RBFOX3: variants seen among roughly 807,000 people sequenced by gnomAD.
RBFOX3 encodes the protein RNA binding fox-1 homolog 3, also known as RNA binding protein fox-1 homolog 3.
A neutral mutation model predicts 48.7 loss-of-function variants in RBFOX3; 17 were observed. The ratio of observed to expected loss-of-function variants is 0.35; its 90% CI spans 0.24 to 0.52. The LOEUF (loss-of-function observed/expected upper bound fraction) is 0.52, where lower values mean the gene tolerates loss of function less well. RBFOX3 is among the 20% of genes least tolerant of loss of function. RBFOX3 has a pLI of 0.94. For synonymous variants in RBFOX3, 212 were observed against 209.5 expected (o/e 1.01, Z -0.10); for missense variants, 382 against 497.5 (o/e 0.77, Z 2.21).
chr17:79,217,282 A>C (rs2059180030), intron 4 of RBFOX3, among the ~76,000 whole-genome samples: 1 of 152,206 alleles, frequency 6.6e-6, no homozygotes, highest in Admixed American at 6.5e-5. Flanking sequence ...GCTGCCCTTG[A>C]AAAGCCATGC....
chr17:79,407,347 A>G (rs2063682878), intron 2 of RBFOX3, among the ~76,000 whole-genome samples: 1 of 152,226 alleles, frequency 6.6e-6, no homozygotes, highest in Admixed American at 6.5e-5. Context: ...TAGAAATCTC[A>G]CAAATGAACA....
chr17:79,446,419 C>T (rs1555738363), intron 2 of RBFOX3, among the ~76,000 whole-genome samples: 2 of 152,200 alleles, frequency 1.3e-5, no homozygotes, highest in African/African-American at 4.8e-5. Context: ...CATAAACTCC[C>T]TCCACCCCTA....
intron 3 of RBFOX3, among the ~76,000 whole-genome samples, chr17:79,247,670 G>A (rs1367649136): frequency 6.6e-6 from 1 of 151,796 alleles, no homozygotes; most frequent in African/African-American, 2.4e-5. Context: ...TTAGAGAAAA[G>A]CAATGCAGAG....
intron 2 of RBFOX3, among the ~76,000 whole-genome samples, chr17:79,435,759 G>A (rs1267375488): frequency 6.6e-6 from 1 of 152,164 alleles, no homozygotes; most frequent in African/African-American, 2.4e-5. Context: ...TCTCCATGCA[G>A]GTGGTTCTTT....
chr17:79,124,019 C>T (rs2036489306), intron 4 of RBFOX3, among the ~76,000 whole-genome samples: 1 of 152,232 alleles, frequency 6.6e-6, no homozygotes, highest in South Asian at 2.1e-4. Flanking sequence ...CACTCTACTG[C>T]ACACACCCTC....
intron 4 of RBFOX3, among the ~76,000 whole-genome samples, chr17:79,144,571 C>G (rs2042630803): frequency 6.6e-6 from 1 of 152,168 alleles, no homozygotes; most frequent in African/African-American, 2.4e-5. Context: ...GTGGAGGGGG[C>G]AGGGCTCATG....
chr17:79,120,958 C>G (rs987130415), intron 4 of RBFOX3, among the ~76,000 whole-genome samples: 1 of 152,070 alleles, frequency 6.6e-6, no homozygotes, highest in Non-Finnish European at 1.5e-5. Context: ...CATTCAGAAT[C>G]CATGACCACC....
At chr17:79,153,021 C>T (rs1230519842) in intron 4 of RBFOX3, among the ~76,000 whole-genome samples, 1 of 152,230 alleles carries the variant, frequency 6.6e-6, no homozygotes, top group Non-Finnish European at 1.5e-5. Flanking sequence ...CACCCTACTC[C>T]CTAAGTGCAG....
chr17:79,281,856 G>A (rs999636820), intron 3 of RBFOX3, among the ~76,000 whole-genome samples: 2 of 152,192 alleles, frequency 1.3e-5, no homozygotes, highest in Non-Finnish European at 2.9e-5. Flanking sequence ...TCCTGGCATT[G>A]GGTGCTTAGG....
chr17:79,656,859 AGGAG>A, the RBFOX3 span, among the ~76,000 whole-genome samples: 4 of 120,304 alleles, frequency 3.3e-5, no homozygotes, highest in East Asian at 3.1e-4. Flanking sequence ...AAAGAAGGGA[AGGAG>A]GGAGGGAGGG....
At chr17:79,652,627 A>C in the RBFOX3 span, among the ~76,000 whole-genome samples, 3 of 18,658 alleles carry the variant, frequency 1.6e-4, no homozygotes, top group African/African-American at 5.0e-4. Flanking sequence ...GAAAGGGAAA[A>C]GGGAAAAAGA....
rs549173555 is a variant in RBFOX3 at position 79,255,229 on chromosome 17, G to A, written c.-73-19424C>T. 2.1e-5 allele frequency among the ~76,000 whole-genome samples: 3 copies of A among 140,586 alleles called. No homozygotes were observed. The South Asian group carries it at 6.7e-4, about 31-fold the overall frequency. 92.2% of individuals were successfully genotyped at this position (140,586 alleles called of 152,430 possible). On this transcript the variant is annotated intron_variant, in intron 3 of 14. Coordinates refer to ENST00000693108, the MANE Select transcript of RBFOX3 (RefSeq NM_001350451.2). ...CCTGTGGTCACATGTGTGCGTGTGT[G>A]TGTGTGTGTGTGTGTGTGTGTGTAC...
intron 2 of RBFOX3, among the ~76,000 whole-genome samples, chr17:79,394,093 C>T (rs764256364): frequency 4.0e-5 from 6 of 151,856 alleles, no homozygotes; most frequent in Non-Finnish European, 5.9e-5. Context: ...TCATCTGAGC[C>T]GGTCACTATG....
At chr17:79,608,086 C>A (rs2093876805) in intron 1 of RBFOX3, among the ~76,000 whole-genome samples, 1 of 152,214 alleles carries the variant, frequency 6.6e-6, no homozygotes, top group African/African-American at 2.4e-5. Flanking sequence ...GCCCTGGGAC[C>A]GTGTCAGAGG....
intron 1 of RBFOX3, among the ~76,000 whole-genome samples, chr17:79,589,083 C>G (rs2093343080): frequency 6.6e-6 from 1 of 152,182 alleles, no homozygotes. Flanking sequence ...TTGGACAGTT[C>G]TTTCAGGGCA....
At chr17:79,110,844 C>T (rs766062096) in intron 5 of RBFOX3, among the ~76,000 whole-genome samples, 26 of 152,254 alleles carry the variant, frequency 1.7e-4, no homozygotes, top group Non-Finnish European at 3.4e-4. Context: ...CTCCCACCTC[C>T]CAGCCTGGGT....
intron 4 of RBFOX3, among the ~76,000 whole-genome samples, chr17:79,152,657 G>GAA (rs976189468): frequency 1.3e-5 from 2 of 152,196 alleles, no homozygotes; most frequent in African/African-American, 4.8e-5. Context: ...CGGAAAAGGG[G>GAA]AAAGAGAGGG....
chr17:79,142,014 C>G (rs763446976), intron 4 of RBFOX3, among the ~76,000 whole-genome samples: 1 of 152,282 alleles, frequency 6.6e-6, no homozygotes, highest in South Asian at 2.1e-4. Context: ...GATCCTTGCC[C>G]GCTGCCTCTG....
In RBFOX3 at chr17:79,517,052, G is replaced by A. The variant is rs964700009; in HGVS notation, c.-319-34454C>T. ...GAACGTTCTGGAGGTGGATGGTCAC[G>A]ATTGCACGGCAATGTGAAGGTGCCG... On this transcript the variant is annotated intron_variant, in intron 1 of 14. Transcript: ENST00000693108. 9.9e-5 allele frequency among the ~76,000 whole-genome samples: 15 copies of A among 152,236 alleles called. No homozygotes were observed. The East Asian group carries it at 2.7e-3, about 27-fold the overall frequency.
Sources: gnomAD v4.1 joint callset for allele counts (sites outside exome capture counted in the v4.1 genomes callset) on GRCh38, gnomAD v4.1.1 for gene constraint, MANE v1.5 for transcripts, NCBI Gene and HGNC (gene_info 2026-07-23, HGNC 2026-07-21) for gene names.